Variants in ATRNL1 observed in about 807,000 individuals in gnomAD.
ATRNL1 encodes attractin-like protein 1.
Under a neutral mutation model 182.7 loss-of-function variants are expected in ATRNL1, and 95 were observed. The observed-to-expected ratio is 0.52, with a 90% confidence interval of 0.44 to 0.62. ATRNL1 has a LOEUF of 0.62. Ranked by LOEUF, ATRNL1 falls within the 20% of genes least tolerant of loss-of-function variation. The probability of loss-of-function intolerance (pLI) is 0.00; values close to 1 mark genes in which losing one functional copy is unlikely to be tolerated. For missense variants in ATRNL1, 1,471 were observed against 1,679.5 expected, an observed-to-expected ratio of 0.88 and a Z score of 2.17; for synonymous variants, 576 against 568.3, an observed-to-expected ratio of 1.01 and a Z score of -0.19.
intron 25 of ATRNL1, among the ~76,000 whole-genome samples, chr10:115,537,334 C>G (rs1425750925): frequency 6.6e-6 from 1 of 152,146 alleles, no homozygotes; most frequent in Non-Finnish European, 1.5e-5. Flanking sequence ...ACACCTCAAA[C>G]TTAACATGCT....
rs552295982 is a variant in ATRNL1, at chr10:115,543,009, C to A, written c.3717-6449C>A. 2.0e-5 allele frequency among the ~76,000 whole-genome samples: 3 copies of A among 152,280 alleles called. No homozygotes were observed. The East Asian group carries it at 5.8e-4, about 29-fold the overall frequency. ...AATTATGTCCTAAAGGCCCTGTCTT[C>A]AAATACAGCCACACTGGGGGGTTAG... is the stretch of plus-strand genomic sequence containing the variant. On this transcript the variant is annotated intron_variant, in intron 25 of 28. Coordinates refer to ENST00000355044, the MANE Select transcript of ATRNL1 (RefSeq NM_207303.4).
At chr10:115,122,786 T>G (rs1441094002) in intron 3 of ATRNL1, among the ~76,000 whole-genome samples, 6 of 152,140 alleles carry the variant, frequency 3.9e-5, no homozygotes, top group Non-Finnish European at 7.4e-5. Context: ...CTTACATTTT[T>G]GAGTCATTTG....
At chr10:115,664,025 C>T (rs1481956727) in intron 26 of ATRNL1, among the ~76,000 whole-genome samples, 10 of 152,240 alleles carry the variant, frequency 6.6e-5, no homozygotes, top group Non-Finnish European at 1.2e-4. Context: ...TTGTCCTGGA[C>T]GGTCTGTCCC....
Position 115,944,643 on chromosome 10 carries a change from T to C in ATRNL1, c.4019-15T>C. On this transcript the variant is annotated splice_polypyrimidine_tract_variant and intron_variant, in intron 28 of 28. Coordinates refer to ENST00000355044, the MANE Select transcript of ATRNL1 (RefSeq NM_207303.4). The stretch of plus-strand genomic sequence containing the variant: ...GTCTAAGCAAGCATTTAAATGCTTT[T>C]CTCTTTCCTTCCAGGCCTTGCAATT... The C allele has an allele frequency of 6.3e-7, 1 of 1,591,780 alleles. No individual in the cohort carries two copies. The highest frequency in any genetic ancestry group is 8.6e-7 in the Non-Finnish European group (1 of 1,168,028).
intron 20 of ATRNL1, among the ~76,000 whole-genome samples, chr10:115,400,829 T>C (rs1844529318): frequency 6.6e-6 from 1 of 152,094 alleles, no homozygotes. Flanking sequence ...TGAGGCTATG[T>C]GTGTCATTGC....
At chr10:115,338,266 C>T (rs1444758563) in intron 19 of ATRNL1, among the ~76,000 whole-genome samples, 1 of 152,184 alleles carries the variant, frequency 6.6e-6, no homozygotes, top group African/African-American at 2.4e-5. Flanking sequence ...CATGGAATTG[C>T]TGGATCATAC....
intron 1 of ATRNL1, among the ~76,000 whole-genome samples, chr10:115,119,384 T>C (rs1592125645): frequency 1.3e-5 from 2 of 152,084 alleles, no homozygotes; most frequent in Non-Finnish European, 2.9e-5. Context: ...AAAAACTGAT[T>C]AGCTGTGATG....
In ATRNL1 at chr10:115,353,808, A is replaced by G. The variant is rs1350248758; in HGVS notation, c.3175+19389A>G. On this transcript the variant is annotated intron_variant, in intron 19 of 28. Transcript: ENST00000355044. ...CAACGTTAAATTGATAAAAACTCTA[A>G]TCTCAAAGAAGAGGGAACAAAAGGA... Among the ~76,000 whole-genome samples, 3 of 152,164 alleles carry G rather than the reference A, an allele frequency of 2.0e-5. No individual in the cohort carries two copies. In the East Asian group the frequency reaches 5.8e-4, roughly 29 times the overall value.
intron 19 of ATRNL1, among the ~76,000 whole-genome samples, chr10:115,389,615 G>C (rs1287007354): frequency 8.7e-6 from 1 of 114,520 alleles, no homozygotes; most frequent in Non-Finnish European, 1.7e-5. Flanking sequence ...GGACACCTAG[G>C]TTGCATCTAT....
At chr10:115,094,084 C>G in intron 1 of ATRNL1, 41 bp downstream of exon 1, 2 of 1,341,264 alleles carry the variant, frequency 1.5e-6, no homozygotes, top group Non-Finnish European at 1.9e-6. Context: ...AGCCCTGCCT[C>G]GCTCCCGTCG....
At chr10:115,204,773 G>A (rs549849849) in intron 8 of ATRNL1, among the ~76,000 whole-genome samples, 19 of 152,154 alleles carry the variant, frequency 1.2e-4, no homozygotes, top group African/African-American at 4.6e-4. Flanking sequence ...TGGTATTAGG[G>A]TAATGCTGGC....
At chr10:115,180,843 G>A (rs967158015) in intron 8 of ATRNL1, among the ~76,000 whole-genome samples, 3 of 151,804 alleles carry the variant, frequency 2.0e-5, no homozygotes, top group Non-Finnish European at 4.4e-5. Context: ...TATATACTAG[G>A]GTAGAGGTTT....
chr10:115,284,103 T>C (rs1852497685), intron 14 of ATRNL1, among the ~76,000 whole-genome samples: 1 of 152,218 alleles, frequency 6.6e-6, no homozygotes, highest in Non-Finnish European at 1.5e-5. Flanking sequence ...TCATATGAGC[T>C]TGGCAATTTG....
At chr10:115,104,431 A>T (rs1281834101) in intron 1 of ATRNL1, among the ~76,000 whole-genome samples, 1 of 152,108 alleles carries the variant, frequency 6.6e-6, no homozygotes, top group East Asian at 1.9e-4. Flanking sequence ...CTTATTATAT[A>T]ATCTGGTTAT....
intron 27 of ATRNL1, among the ~76,000 whole-genome samples, chr10:115,835,801 T>A (rs1250031616): frequency 5.3e-5 from 8 of 152,296 alleles, no homozygotes; most frequent in Admixed American, 3.3e-4. Flanking sequence ...CCTCTCACAA[T>A]GGCCATGCCC....
intron 5 of ATRNL1, among the ~76,000 whole-genome samples, chr10:115,132,262 A>G (rs1564760666): frequency 6.6e-6 from 1 of 152,162 alleles, no homozygotes; most frequent in Non-Finnish European, 1.5e-5. Context: ...ACATGAACTC[A>G]TCATTTTTTA....
chr10:115,429,731 T>C (rs1010489424), intron 21 of ATRNL1, among the ~76,000 whole-genome samples: 3 of 152,146 alleles, frequency 2.0e-5, no homozygotes, highest in Non-Finnish European at 2.9e-5. Context: ...CTTTTTTGAA[T>C]GTTATTTTTT....
At chr10:115,880,311 G>A (rs773162335) in intron 28 of ATRNL1, among the ~76,000 whole-genome samples, 6 of 152,162 alleles carry the variant, frequency 3.9e-5, no homozygotes, top group South Asian at 2.1e-4. Flanking sequence ...CCCAGGCTTC[G>A]GCTAGAGAAG....
At chr10:115,454,216 A>T (rs79849014) in intron 21 of ATRNL1, among the ~76,000 whole-genome samples, 1 of 152,020 alleles carries the variant, frequency 6.6e-6, no homozygotes, top group African/African-American at 2.4e-5. Flanking sequence ...CTCTACATGC[A>T]TGGGTTTATT....
Sources: gnomAD v4.1 joint callset for allele counts (sites outside exome capture counted in the v4.1 genomes callset) on GRCh38, gnomAD v4.1.1 for gene constraint, MANE v1.5 for transcripts, NCBI Gene and HGNC (gene_info 2026-07-23, HGNC 2026-07-21) for gene names.